The following EIF2AK2 variants were observed in gnomAD, a reference collection of about 807,000 sequenced individuals.
EIF2AK2 encodes the protein eukaryotic translation initiation factor 2 alpha kinase 2.
A neutral mutation model predicts 70.5 loss-of-function variants in EIF2AK2; 40 were observed. That is an observed-to-expected ratio of 0.57 (90% confidence interval 0.44 to 0.74). The LOEUF is 0.74. Among genes scored for constraint, EIF2AK2 ranks in the 30% least tolerant of loss-of-function variants. The pLI, the probability that EIF2AK2 is intolerant of heterozygous loss-of-function variation, is 0.00. For missense variants in EIF2AK2, 555 were observed against 644.3 expected (o/e 0.86, Z 1.50); for synonymous variants, 198 against 220.9 (o/e 0.90, Z 0.92).
intron 11 of EIF2AK2, 36 bp downstream of exon 11, chr2:37,126,252 CT>C (rs1329050588): frequency 4.5e-6 from 7 of 1,547,672 alleles, no homozygotes; most frequent in Non-Finnish European, 6.1e-6. Context: ...TTCAGCGTAC[CT>C]TGCCATTCAA....
rs575040322 is a variant in EIF2AK2 at position 37,108,950 on chromosome 2, T to C, written c.1479+244A>G. On this transcript the variant is annotated intron_variant, in intron 15 of 16. Coordinates refer to ENST00000233057, the MANE Select transcript of EIF2AK2 (RefSeq NM_001135651.3). ...AGTCAATCAATAAAATGTTACTGAC[T>C]GACAAGTCTTACAAGTCTTATGAGA... Among the ~76,000 whole-genome samples, 16 of 152,340 alleles carry C rather than the reference T, an allele frequency of 1.1e-4. No homozygotes were observed. The East Asian group carries it at 3.1e-3, about 29-fold the overall frequency.
chr2:37,104,865 G>A lies in EIF2AK2; in HGVS notation c.*2408C>T, dbSNP rs1306208438. ...AAATTCTTAAGTCACATCAGGAGGG[G>A]CATAATGTTAGGGTGTTCCACCTTG... On this transcript the variant is annotated 3_prime_UTR_variant, in exon 17 of 17. Coordinates refer to ENST00000233057, the MANE Select transcript of EIF2AK2 (RefSeq NM_001135651.3). 8.5e-5 allele frequency: 13 copies of A among 152,180 alleles called. No homozygotes were observed. Among genetic ancestry groups the A allele is most frequent in the Admixed American group, 8.5e-4 (13 of 15,282 alleles). 9.4% of individuals were successfully genotyped at this position (152,180 alleles called of 1,614,324 possible).
chr2:37,151,918 T>G (rs965359850), intron 1 of EIF2AK2, among the ~76,000 whole-genome samples: 2 of 152,164 alleles, frequency 1.3e-5, no homozygotes, highest in Non-Finnish European at 2.9e-5. Flanking sequence ...TACAAAAAAT[T>G]AGCCGGGCGC....
chr2:37,119,783 G>A (rs192922646), intron 13 of EIF2AK2, among the ~76,000 whole-genome samples, 176 bp downstream of exon 13: 44 of 151,746 alleles, frequency 2.9e-4, no homozygotes, highest in Non-Finnish European at 5.4e-4. Context: ...GTAGAGACAC[G>A]GTTTCACCAT....
intron 1 of EIF2AK2, among the ~76,000 whole-genome samples, chr2:37,154,493 G>A (rs1401364683): frequency 1.3e-5 from 2 of 152,104 alleles, no homozygotes; most frequent in African/African-American, 4.8e-5. Flanking sequence ...ACCAGCATTT[G>A]ATGGGGTTGC....
intron 4 of EIF2AK2, among the ~76,000 whole-genome samples, chr2:37,145,711 A>G (rs896250725): frequency 8.7e-6 from 1 of 115,070 alleles, no homozygotes; most frequent in African/African-American, 3.4e-5. Flanking sequence ...TATGCATGGT[A>G]TGTGCCTTAT....
intron 2 of EIF2AK2, chr2:37,148,648 A>C: frequency 1.2e-6 from 1 of 831,922 alleles, no homozygotes; most frequent in Non-Finnish European, 2.1e-6. Flanking sequence ...ACATGCTTTT[A>C]CTTCAACTTA....
At position 37,124,325 on chromosome 2, in the gene EIF2AK2, G is replaced by A. The variant is rs373980486; in HGVS notation, c.909-1661C>T. On this transcript the variant is annotated intron_variant, in intron 11 of 16. Transcript: ENST00000233057. Reference sequence around the variant, plus strand: ...CGCCCAGGCTGGAGTGCAATGGCGCGATCTTGGCTCACTGCAACCTCCGCC... The same window carrying A: ...CGCCCAGGCTGGAGTGCAATGGCGCAATCTTGGCTCACTGCAACCTCCGCC... 1.1e-4 allele frequency among the ~76,000 whole-genome samples: 17 copies of A among 151,268 alleles called. No individual in the cohort carries two copies. The East Asian group carries it at 1.6e-3, about 14-fold the overall frequency.
At position 37,100,372 on chromosome 2, in the gene EIF2AK2, G is replaced by A. The variant is rs1026179381; in HGVS notation, c.*6901C>T. 6.6e-6 allele frequency: 1 copy of A among 152,166 alleles called. No homozygotes were observed. The highest frequency in any genetic ancestry group is 2.4e-5 in the African/African-American group (1 of 41,446). The allele number at this position is 152,166 out of a possible 1,614,324, so 9.4% of individuals were successfully genotyped here. A position where few individuals can be genotyped will look rare whatever the true frequency, so the allele number is the denominator to read the frequency against. ...AACAGAAAGAGAATAAATGTGTGTT[G>A]TTTTAAACCACCAAGTTTGTGGTAA... On this transcript the variant is annotated 3_prime_UTR_variant, in exon 17 of 17. Transcript: ENST00000233057.
At position 37,100,400 on chromosome 2, in the gene EIF2AK2, T is replaced by A. The variant is rs1004711669; in HGVS notation, c.*6873A>T. ...TTAAACCACCAAGTTTGTGGTAATT[T>A]GTTAGTTATAGCAGCCATAAGAAAT... On this transcript the variant is annotated 3_prime_UTR_variant, in exon 17 of 17. Coordinates refer to ENST00000233057, the MANE Select transcript of EIF2AK2 (RefSeq NM_001135651.3). 3.3e-5 allele frequency: 5 copies of A among 152,204 alleles called. No homozygotes were observed. Among genetic ancestry groups the A allele is most frequent in the Non-Finnish European group, 5.9e-5 (4 of 68,034 alleles). The allele number at this position is 152,204 out of a possible 1,614,324, so 9.4% of individuals were successfully genotyped here.
chr2:37,127,806 G>A (rs1027450799), intron 10 of EIF2AK2, among the ~76,000 whole-genome samples: 5 of 148,802 alleles, frequency 3.4e-5, no homozygotes, highest in Non-Finnish European at 7.4e-5. Context: ...ACAGTGGTGC[G>A]ATCTCCGCTC....
rs771234567 is a variant in EIF2AK2, at chr2:37,107,317, C to T, written c.1612G>A (p.Val538Met). The part of the protein sequence containing the change: ...NTSEILRTLT[V>M]WKKSPEKNER... ...TTTTTCTCTGGGCTTTTCTTCCACA[C>T]AGTCAAGGTCCTTAGTATTTCAGAT... is the stretch of plus-strand genomic sequence containing the variant. Residue 538 changes from valine (V) to methionine (M), a missense_variant, in exon 17 of 17, where the codon GTG becomes ATG. Physicochemically the swap from Val to Met is conservative, Grantham distance 21. Around this residue, in one of 3 missense-constraint regions of EIF2AK2, gnomAD observed 299 missense variants for 375.4 expected, o/e 0.80. Coordinates refer to ENST00000233057, the MANE Select transcript of EIF2AK2 (RefSeq NM_001135651.3). 2 of 1,613,818 alleles carry T rather than the reference C, an allele frequency of 1.2e-6. No homozygotes were observed. The highest frequency in any genetic ancestry group is 3.3e-5 in the Admixed American group (2 of 59,988).
intron 11 of EIF2AK2, 107 bp from the exon 12 acceptor site, chr2:37,122,771 T>C (rs1674600754): frequency 7.2e-7 from 1 of 1,382,476 alleles, no homozygotes; most frequent in Non-Finnish European, 1.0e-6. Context: ...TATTAAACCA[T>C]TGCTGTGGTT....
chr2:37,134,782 A>G (rs1413933443), intron 10 of EIF2AK2, among the ~76,000 whole-genome samples: 1 of 150,798 alleles, frequency 6.6e-6, no homozygotes, highest in African/African-American at 2.5e-5. Context: ...TGGCACCAAC[A>G]CATATCTTTG....
At chr2:37,108,596 A>T (rs924187549) in intron 15 of EIF2AK2, among the ~76,000 whole-genome samples, 11 of 152,064 alleles carry the variant, frequency 7.2e-5, no homozygotes, top group Non-Finnish European at 1.2e-4. Flanking sequence ...TAGAGATGGA[A>T]TGTCACTCTG....
At chr2:37,126,455 C>T (rs1308127805) in intron 10 of EIF2AK2, 44 bp from the exon 11 acceptor site, 1 of 1,582,070 alleles carries the variant, frequency 6.3e-7, no homozygotes. Context: ...TCATGCTCAA[C>T]CCCCACCCCC....
rs1284571724 is a variant in EIF2AK2 at position 37,101,629 on chromosome 2, C to T, written c.*5644G>A. 2 of 152,128 alleles carry T rather than the reference C, an allele frequency of 1.3e-5. No homozygotes were observed. Among genetic ancestry groups the T allele is most frequent in the Admixed American group, 6.5e-5 (1 of 15,280 alleles). The allele number at this position is 152,128 out of a possible 1,614,324, so 9.4% of individuals were successfully genotyped here. On this transcript the variant is annotated 3_prime_UTR_variant, in exon 17 of 17. Transcript: ENST00000233057. ...AATCCAGCTTCTAGGTCTAACTGGA[C>T]ACTCTGGGGATACTCTCAGTCAAAT... is the stretch of plus-strand genomic sequence containing the variant.
Position 37,109,299 on chromosome 2 carries a change from A to C in EIF2AK2, c.1378-4T>G. 6.2e-7 allele frequency: 1 copy of C among 1,611,706 alleles called. No homozygotes were observed. The highest frequency in any genetic ancestry group is 2.2e-5 in the East Asian group (1 of 44,860). The stretch of plus-strand genomic sequence containing the variant: ...TTCCATAGTCTTGCGAAGAAATCTA[A>C]AGAGACCAAAATAGATTTACCTTTG... On this transcript the variant is annotated splice_polypyrimidine_tract_variant and splice_region_variant and intron_variant, in intron 14 of 16. Coordinates refer to ENST00000233057, the MANE Select transcript of EIF2AK2 (RefSeq NM_001135651.3).
chr2:37,118,326 A>G (rs1323815781), intron 13 of EIF2AK2, among the ~76,000 whole-genome samples: 1 of 152,172 alleles, frequency 6.6e-6, no homozygotes, highest in Non-Finnish European at 1.5e-5. Flanking sequence ...AAAAAAATAA[A>G]AATTAAAAAT....
Sources: gnomAD v4.1 joint callset for allele counts (sites outside exome capture counted in the v4.1 genomes callset) on GRCh38, gnomAD v4.1.1 for gene constraint, gnomAD v4.1.1 regional missense constraint, MANE v1.5 for transcripts, NCBI Gene and HGNC (gene_info 2026-07-23, HGNC 2026-07-21) for gene names.